The following BICDL1 variants were observed in gnomAD, a reference collection of about 807,000 sequenced individuals.
BICDL1 encodes the protein BICD family-like cargo adapter 1.
In BICDL1, 20 loss-of-function variants were observed where a neutral mutation model predicts 76.8. The observed-to-expected ratio is 0.26, with a 90% CI of 0.18 to 0.38. The LOEUF is 0.38. Among genes scored for constraint, BICDL1 ranks in the 10% least tolerant of loss-of-function variants. BICDL1 has a pLI of 1.00. For synonymous variants in BICDL1, 383 were observed against 337.1 expected (o/e 1.14, Z -1.49); for missense variants, 700 against 798.6 (o/e 0.88, Z 1.49).
chr12:120,065,399 C>G (rs1247405327), intron 4 of BICDL1, among the ~76,000 whole-genome samples: 1 of 152,202 alleles, frequency 6.6e-6, no homozygotes, highest in Non-Finnish European at 1.5e-5. Flanking sequence ...TTGTGAGCCT[C>G]ATCAGTCTCT....
chr12:120,081,425 C>T (rs1357861573), intron 8 of BICDL1, among the ~76,000 whole-genome samples: 1 of 146,642 alleles, frequency 6.8e-6, no homozygotes, highest in Non-Finnish European at 1.5e-5. Context: ...GATCTCAGCT[C>T]CCTGCAACCT....
chr12:120,067,832 T>G (rs538318761), intron 4 of BICDL1, among the ~76,000 whole-genome samples: 1 of 152,340 alleles, frequency 6.6e-6, no homozygotes, highest in East Asian at 1.9e-4. Flanking sequence ...AAATGCTTCC[T>G]AGGAATGTCT....
intron 2 of BICDL1, among the ~76,000 whole-genome samples, chr12:120,052,435 G>A (rs1007757328): frequency 1.3e-5 from 2 of 151,078 alleles, no homozygotes; most frequent in Non-Finnish European, 2.9e-5. Flanking sequence ...CAATTATTTG[G>A]TACAAAGTCA....
At chr12:120,023,982 T>C (rs78789449) in intron 2 of BICDL1, among the ~76,000 whole-genome samples, 3,166 of 151,832 alleles carry the variant, frequency 0.021, 123 homozygotes, top group African/African-American at 0.073. Flanking sequence ...ATGGAAGATA[T>C]AAAACACAGA....
intron 2 of BICDL1, among the ~76,000 whole-genome samples, chr12:120,033,678 C>T (rs569589772): frequency 6.6e-6 from 1 of 151,996 alleles, no homozygotes; most frequent in African/African-American, 2.4e-5. Context: ...TGAGCCACTG[C>T]GGCCGGCTGA....
intron 2 of BICDL1, among the ~76,000 whole-genome samples, chr12:120,002,150 C>T (rs1213837497): frequency 1.1e-4 from 16 of 152,152 alleles, no homozygotes; most frequent in Admixed American, 1.0e-3. Flanking sequence ...AAACCCTGTA[C>T]CCATAGCAGT....
At chr12:120,007,261 A>G (rs1288518670) in intron 2 of BICDL1, among the ~76,000 whole-genome samples, 2 of 152,160 alleles carry the variant, frequency 1.3e-5, no homozygotes, top group Non-Finnish European at 2.9e-5. Flanking sequence ...CCCTTTACAT[A>G]TCCATGTTAG....
At position 119,989,952 on chromosome 12, in the gene BICDL1, C is replaced by G; in HGVS notation, c.84C>G (p.Ala28=). ...GCGCCTGCTGCATGGAGCTGCCCGCCGCGGCCGGGGACGCAGTCCGGAGTC... is the reference window on the plus strand; with the variant it reads ...GCGCCTGCTGCATGGAGCTGCCCGCGGCGGCCGGGGACGCAGTCCGGAGTC... ...PDSACCMELP[A]AAGDAVRSPA... Residue 28 remains alanine (A), a synonymous_variant, in exon 1 of 10, where the codon GCC becomes GCG. Transcript: ENST00000548673. 1 of 1,465,474 alleles carries G rather than the reference C, an allele frequency of 6.8e-7. No individual in the cohort carries two copies. The highest frequency in any genetic ancestry group is 8.9e-7 in the Non-Finnish European group (1 of 1,123,402). The allele number at this position is 1,465,474 out of a possible 1,614,324, so 90.8% of individuals were successfully genotyped here. A position where few individuals can be genotyped will look rare whatever the true frequency, so the allele number is the denominator to read the frequency against.
chr12:120,016,136 A>G (rs1476866772), intron 2 of BICDL1, among the ~76,000 whole-genome samples: 1 of 152,238 alleles, frequency 6.6e-6, no homozygotes, highest in Non-Finnish European at 1.5e-5. Flanking sequence ...TGGATATTTC[A>G]TATAAATGGA....
intron 2 of BICDL1, among the ~76,000 whole-genome samples, chr12:120,008,540 C>T (rs1237953707): frequency 1.3e-5 from 2 of 152,182 alleles, no homozygotes; most frequent in African/African-American, 4.8e-5. Context: ...GCAAAGGTTA[C>T]ATGTTAACCA....
chr12:120,070,991 A>G (rs1052444670), intron 4 of BICDL1, among the ~76,000 whole-genome samples: 7 of 152,080 alleles, frequency 4.6e-5, no homozygotes, highest in Admixed American at 2.0e-4. Context: ...TGGCCTTCCA[A>G]AATGCTGGTG....
intron 9 of BICDL1, chr12:120,090,814 C>T (rs1874894240): frequency 1.0e-5 from 12 of 1,155,584 alleles, no homozygotes; most frequent in South Asian, 2.6e-5. Context: ...CTGGCCCCAC[C>T]GCAGGGTGCC....
intron 1 of BICDL1, among the ~76,000 whole-genome samples, chr12:119,993,639 CAG>C (rs928686906): frequency 2.1e-5 from 3 of 146,166 alleles, no homozygotes; most frequent in African/African-American, 2.5e-5. Context: ...TTTTTTGAGA[CAG>C]AGTCTTGCTC....
intron 2 of BICDL1, among the ~76,000 whole-genome samples, chr12:120,028,500 C>A (rs1952354661): frequency 1.3e-5 from 2 of 152,042 alleles, no homozygotes; most frequent in African/African-American, 4.8e-5. Context: ...CATGCTGAAA[C>A]CTTGTATCTA....
At chr12:120,042,450 T>C (rs1487993791) in intron 2 of BICDL1, among the ~76,000 whole-genome samples, 5 of 152,048 alleles carry the variant, frequency 3.3e-5, no homozygotes, top group Admixed American at 1.3e-4. Flanking sequence ...GGTTTGGACA[T>C]GTTGAGTGTG....
chr12:120,035,083 C>A (rs1382448055), intron 2 of BICDL1, among the ~76,000 whole-genome samples: 13 of 152,172 alleles, frequency 8.5e-5, no homozygotes, highest in Non-Finnish European at 1.5e-5. Flanking sequence ...GACCTCTAAT[C>A]CCAGCACTTT....
intron 7 of BICDL1, among the ~76,000 whole-genome samples, chr12:120,076,133 T>G (rs917007029): frequency 2.0e-5 from 3 of 152,226 alleles, no homozygotes; most frequent in Non-Finnish European, 4.4e-5. Context: ...CACTTGAGCC[T>G]GGATGACAGA....
intron 2 of BICDL1, among the ~76,000 whole-genome samples, chr12:120,060,822 C>T (rs1350469891): frequency 4.6e-5 from 7 of 152,236 alleles, no homozygotes; most frequent in African/African-American, 1.7e-4. Flanking sequence ...TAGCCTACCA[C>T]TTCAACATTA....
At chr12:120,008,533 A>G (rs1034436134) in intron 2 of BICDL1, among the ~76,000 whole-genome samples, 3 of 152,190 alleles carry the variant, frequency 2.0e-5, no homozygotes, top group Non-Finnish European at 2.9e-5. Flanking sequence ...AGGCCTTGCA[A>G]AGGTTACATG....
Sources: gnomAD v4.1 joint callset for allele counts (sites outside exome capture counted in the v4.1 genomes callset) on GRCh38, gnomAD v4.1.1 for gene constraint, MANE v1.5 for transcripts, NCBI Gene and HGNC (gene_info 2026-07-23, HGNC 2026-07-21) for gene names.